Variants in MDFIC2 observed in about 807,000 individuals in gnomAD.
MDFIC2 encodes myoD family inhibitor domain-containing protein 2.
intron 2 of MDFIC2, among the ~76,000 whole-genome samples, chr3:70,306,321 C>T (rs1702399770): frequency 6.6e-6 from 1 of 152,156 alleles, no homozygotes; most frequent in Non-Finnish European, 1.5e-5. Flanking sequence ...CCATGTTGGC[C>T]AGGCTGGTCT....
chr3:70,221,505 A>G (rs753434907), intron 2 of MDFIC2, among the ~76,000 whole-genome samples: 1 of 152,040 alleles, frequency 6.6e-6, no homozygotes. Flanking sequence ...TGATATATGC[A>G]GGAGATACAA....
At chr3:70,211,343 T>C (rs74188947) in intron 2 of MDFIC2, among the ~76,000 whole-genome samples, 22 of 7,460 alleles carry the variant, frequency 2.9e-3, no homozygotes, top group Non-Finnish European at 9.2e-3. Context: ...CTTCCCTTCC[T>C]TTTGCCCTTC....
At chr3:70,221,938 G>T (rs896338994) in intron 2 of MDFIC2, among the ~76,000 whole-genome samples, 2 of 152,090 alleles carry the variant, frequency 1.3e-5, no homozygotes, top group Non-Finnish European at 2.9e-5. Context: ...CTATCAGTTG[G>T]GTAGATTAGT....
chr3:70,229,042 C>T (rs576698433), intron 2 of MDFIC2, among the ~76,000 whole-genome samples: 186 of 152,262 alleles, frequency 1.2e-3, no homozygotes, highest in African/African-American at 4.2e-3. Flanking sequence ...CCCACTTAGC[C>T]TCCACAGCTA....
intron 2 of MDFIC2, among the ~76,000 whole-genome samples, chr3:70,299,948 G>T (rs1292089473): frequency 6.6e-6 from 1 of 151,886 alleles, no homozygotes; most frequent in Admixed American, 6.6e-5. Context: ...CCAGTCAAAC[G>T]TAGCTATCGT....
intron 2 of MDFIC2, among the ~76,000 whole-genome samples, chr3:70,261,511 A>G (rs780816111): frequency 1.2e-4 from 18 of 152,164 alleles, no homozygotes; most frequent in Non-Finnish European, 2.4e-4. Context: ...ATTAATAATT[A>G]CATTTCAATT....
chr3:70,263,503 T>G (rs1701887376), intron 2 of MDFIC2, among the ~76,000 whole-genome samples: 1 of 152,148 alleles, frequency 6.6e-6, no homozygotes, highest in Non-Finnish European at 1.5e-5. Context: ...CTGTTGGGAA[T>G]TCAAGTAATT....
At chr3:70,265,642 T>A (rs1444881163) in intron 2 of MDFIC2, among the ~76,000 whole-genome samples, 1 of 152,234 alleles carries the variant, frequency 6.6e-6, no homozygotes, top group African/African-American at 2.4e-5. Context: ...ATTTTCTCCA[T>A]GTGCTTTGCA....
intron 2 of MDFIC2, among the ~76,000 whole-genome samples, chr3:70,227,518 A>G (rs548653990): frequency 1.3e-5 from 2 of 152,316 alleles, no homozygotes; most frequent in South Asian, 4.1e-4. Flanking sequence ...ATAGAGGGAC[A>G]AGGCTAGAAG....
At chr3:70,240,167 A>G (rs1444726355) in intron 2 of MDFIC2, among the ~76,000 whole-genome samples, 1 of 152,112 alleles carries the variant, frequency 6.6e-6, no homozygotes, top group East Asian at 1.9e-4. Flanking sequence ...AAAGTGTAAA[A>G]TGGCCATTTT....
At chr3:70,295,132 G>T (rs184911942) in intron 2 of MDFIC2, among the ~76,000 whole-genome samples, 12 of 152,294 alleles carry the variant, frequency 7.9e-5, no homozygotes, top group Admixed American at 7.9e-4. Flanking sequence ...TCCAACTTCT[G>T]AGATGGGTGA....
chr3:70,210,767 C>G (rs1236444522), intron 2 of MDFIC2, among the ~76,000 whole-genome samples: 1 of 130,434 alleles, frequency 7.7e-6, no homozygotes, highest in Admixed American at 8.7e-5. Context: ...AAAATAGAAG[C>G]TCATCTATAT....
At chr3:70,245,484 A>G (rs1471543796) in intron 2 of MDFIC2, among the ~76,000 whole-genome samples, 1 of 151,614 alleles carries the variant, frequency 6.6e-6, no homozygotes, top group Non-Finnish European at 1.5e-5. Flanking sequence ...TGGCCTCTTT[A>G]AATGACTTTG....
At chr3:70,224,717 G>GTGAA (rs1553646736) in intron 2 of MDFIC2, among the ~76,000 whole-genome samples, 1 of 148,690 alleles carries the variant, frequency 6.7e-6, no homozygotes, top group Non-Finnish European at 1.5e-5. Context: ...TTCACCCTTG[G>GTGAA]TTTTTTTTTT....
At chr3:70,258,154 T>A (rs1057123923) in intron 2 of MDFIC2, among the ~76,000 whole-genome samples, 1 of 152,096 alleles carries the variant, frequency 6.6e-6, no homozygotes, top group African/African-American at 2.4e-5. Flanking sequence ...GGATCATCGA[T>A]CTAAATGTAA....
At chr3:70,285,330 A>G (rs1333032696) in intron 2 of MDFIC2, among the ~76,000 whole-genome samples, 1 of 151,212 alleles carries the variant, frequency 6.6e-6, no homozygotes, top group Non-Finnish European at 1.5e-5. Context: ...TTCTTGCGAT[A>G]GTTTACTGAG....
At chr3:70,285,524 G>T (rs929351666) in intron 2 of MDFIC2, among the ~76,000 whole-genome samples, 2 of 151,926 alleles carry the variant, frequency 1.3e-5, no homozygotes, top group African/African-American at 4.8e-5. Flanking sequence ...AAATACGTGT[G>T]CATGTGTCTT....
intron 2 of MDFIC2, among the ~76,000 whole-genome samples, chr3:70,266,657 G>A (rs1273482814): frequency 6.6e-6 from 1 of 151,948 alleles, no homozygotes; most frequent in African/African-American, 2.4e-5. Context: ...TGTTGCCCAT[G>A]CTGGTCTCAA....
At chr3:70,270,378 T>C (rs1216970146) in intron 2 of MDFIC2, among the ~76,000 whole-genome samples, 2 of 152,322 alleles carry the variant, frequency 1.3e-5, no homozygotes, top group Admixed American at 6.5e-5. Context: ...GTATTAAATT[T>C]TTTAAAAAGA....
Sources: gnomAD v4.1 joint callset for allele counts (sites outside exome capture counted in the v4.1 genomes callset) on GRCh38, gnomAD v4.1.1 for gene constraint, MANE v1.5 for transcripts, NCBI Gene and HGNC (gene_info 2026-07-23, HGNC 2026-07-21) for gene names.